Variants in CEP164 observed in about 807,000 individuals in gnomAD.
CEP164 encodes centrosomal protein 164.
In CEP164, 162 loss-of-function variants were observed where a neutral mutation model predicts 182.7. That is an observed-to-expected ratio of 0.89 (90% CI 0.78 to 1.01). The LOEUF (loss-of-function observed/expected upper bound fraction) is 1.01, where lower values mean the gene tolerates loss of function less well. Among genes scored for constraint, CEP164 ranks in the 50% least tolerant of loss-of-function variants. The pLI is 0.00. For missense variants in CEP164, 1,735 were observed against 1,790.4 expected, an observed-to-expected ratio of 0.97 and a Z score of 0.56; for synonymous variants, 661 against 690.0, an observed-to-expected ratio of 0.96 and a Z score of 0.66.
At chr11:117,337,697 T>A (rs568461883) in intron 2 of CEP164, among the ~76,000 whole-genome samples, 1 of 152,146 alleles carries the variant, frequency 6.6e-6, no homozygotes, top group South Asian at 2.1e-4. Flanking sequence ...GGCAGCAGCC[T>A]CCTCAGGTGG....
chr11:117,374,302 A>G (rs1476404005), intron 10 of CEP164, among the ~76,000 whole-genome samples: 1 of 152,114 alleles, frequency 6.6e-6, no homozygotes, highest in African/African-American at 2.4e-5. Flanking sequence ...GAATGCCGGC[A>G]TCCATGGTTT....
At chr11:117,352,621 C>T (rs1463482072) in intron 5 of CEP164, among the ~76,000 whole-genome samples, 1 of 152,206 alleles carries the variant, frequency 6.6e-6, no homozygotes, top group Non-Finnish European at 1.5e-5. Context: ...GAGTCTCACT[C>T]TGTCACCCAG....
rs532428188 is a variant in CEP164, at chr11:117,343,670, G to C, written c.83-496G>C. ...TTTGAGACGAAGTCTTGCTCTCATT[G>C]CCCAGGCTGGAGTGCAGTGGCGTGA... On this transcript the variant is annotated intron_variant, in intron 3 of 32. Coordinates refer to ENST00000278935, the MANE Select transcript of CEP164 (RefSeq NM_014956.5). 5.0e-5 allele frequency among the ~76,000 whole-genome samples: 6 copies of C among 119,242 alleles called. No individual in the cohort carries two copies. The South Asian group carries it at 1.7e-3, about 33-fold the overall frequency. The allele number at this position is 119,242 out of a possible 152,430, so 78.2% of individuals were successfully genotyped here.
intron 10 of CEP164, among the ~76,000 whole-genome samples, chr11:117,375,191 C>T (rs2135998309): frequency 6.6e-6 from 1 of 152,338 alleles, no homozygotes; most frequent in Non-Finnish European, 1.5e-5. Context: ...TGGTTGGGCA[C>T]CACGGAGAGG....
At chr11:117,336,589 G>C (rs777431237) in intron 2 of CEP164, 1 of 1,482,560 alleles carries the variant, frequency 6.7e-7, no homozygotes, top group Non-Finnish European at 9.4e-7. Context: ...AGTGTTGGGG[G>C]ATATGGATTT....
At position 117,334,681 on chromosome 11, in the gene CEP164, CA is replaced by C. The variant is rs891328693; in HGVS notation, c.-97-923del. The stretch of plus-strand genomic sequence containing the variant: ...GTGCCTGTAATCCCAGCTACTCGGG[CA>C]GCTGAGGCAAGAGACTAGCTTGAAC... On this transcript the variant is annotated intron_variant, in intron 1 of 32. Coordinates refer to ENST00000278935, the MANE Select transcript of CEP164 (RefSeq NM_014956.5). Among the ~76,000 whole-genome samples the C allele has an allele frequency of 3.3e-5, 5 of 149,490 alleles. No homozygotes were observed. The Admixed American group carries it at 3.4e-4, about 10-fold the overall frequency.
intron 9 of CEP164, among the ~76,000 whole-genome samples, chr11:117,372,811 G>A (rs948733765): frequency 5.9e-5 from 9 of 152,212 alleles, no homozygotes; most frequent in African/African-American, 1.2e-4. Context: ...GTGACGAGAT[G>A]GGGGTGGTCG....
Position 117,411,628 on chromosome 11 carries a change from T to C in CEP164, c.4164-167T>C. 1 of 901,652 alleles carries C rather than the reference T, an allele frequency of 1.1e-6. No homozygotes were observed. The highest frequency in any genetic ancestry group is 1.7e-5 in the African/African-American group (1 of 59,604). 55.9% of individuals were successfully genotyped at this position (901,652 alleles called of 1,614,324 possible). On this transcript the variant is annotated intron_variant, in intron 31 of 32. Coordinates refer to ENST00000278935, the MANE Select transcript of CEP164 (RefSeq NM_014956.5). The surrounding 1 kb of genome is among the most constrained non-coding windows in gnomAD (Gnocchi z 4.4). ...CCACTTTCCCGTTTGGGAACTGTTC[T>C]GGAGGGGCAGATGTTTTGAAGCTTT... is the stretch of plus-strand genomic sequence containing the variant.
intron 15 of CEP164, among the ~76,000 whole-genome samples, chr11:117,390,351 G>T (rs1347412328): frequency 6.6e-6 from 1 of 151,904 alleles, no homozygotes; most frequent in Non-Finnish European, 1.5e-5. Context: ...TCATCTTTAA[G>T]ATTTAGGAAG....
chr11:117,380,261 C>T (rs570208693), intron 11 of CEP164, among the ~76,000 whole-genome samples: 2 of 152,282 alleles, frequency 1.3e-5, no homozygotes, highest in East Asian at 3.9e-4. Flanking sequence ...GATTTCTCTG[C>T]TTTCTCTGCA....
chr11:117,393,186 T>C (rs1032855249), intron 20 of CEP164, 60 bp downstream of exon 20: 60 of 1,577,998 alleles, frequency 3.8e-5, no homozygotes, highest in Non-Finnish European at 4.9e-5. Context: ...TGCACGCACA[T>C]GCACACACAC....
At chr11:117,365,935 G>T (rs996744093) in intron 8 of CEP164, among the ~76,000 whole-genome samples, 1 of 152,100 alleles carries the variant, frequency 6.6e-6, no homozygotes, top group Non-Finnish European at 1.5e-5. Flanking sequence ...TCTTTGGGGG[G>T]AGTGGGGACT....
intron 32 of CEP164, 70 bp from the exon 33 acceptor site, chr11:117,412,002 C>T: frequency 6.2e-7 from 1 of 1,610,686 alleles, no homozygotes. Context: ...TCCTGTTCAG[C>T]CTTTGACCCT....
chr11:117,391,416 G>A (rs1170298103), intron 17 of CEP164, among the ~76,000 whole-genome samples: 4 of 152,036 alleles, frequency 2.6e-5, no homozygotes, highest in Non-Finnish European at 4.4e-5. Context: ...GGACCGAATC[G>A]GCTCATGACA....
rs192790723 is a variant in CEP164 at position 117,368,114 on chromosome 11, G to A, written c.766-2966G>A. On this transcript the variant is annotated intron_variant, in intron 8 of 32. Coordinates refer to ENST00000278935, the MANE Select transcript of CEP164 (RefSeq NM_014956.5). ...AGAAACTAAGTACTGAGGACAATAG[G>A]GAGCTAATTTGGTGACAGAAACAGA... 2.3e-3 allele frequency among the ~76,000 whole-genome samples: 345 copies of A among 152,214 alleles called. 2 individuals carry two copies. Among genetic ancestry groups the A allele is most frequent in the Non-Finnish European group, 2.8e-3 (193 of 68,020 alleles).
intron 5 of CEP164, chr11:117,355,665 C>T: frequency 8.4e-7 from 1 of 1,190,672 alleles, no homozygotes; most frequent in Non-Finnish European, 1.1e-6. Context: ...CAGGGAGTTC[C>T]TGGGGAAGGT....
chr11:117,393,092 T>C lies in CEP164; in HGVS notation c.2582T>C (p.Val861Ala), dbSNP rs2044899818. ...AAGATGAAGGAGGAGCACCAGCAAG[T>C]GATGGCTAAGGCCAGAGAGCAGTAT... ...LDKMKEEHQQ[V>A]MAKAREQYEA... is the part of the protein sequence containing the mutation. Residue 861 changes from valine to alanine, a missense_variant, in exon 20 of 33, where the codon GTG becomes GCG. Physicochemically the swap from Val to Ala is moderately conservative, Grantham distance 64 (BLOSUM62 0). Coordinates refer to ENST00000278935, the MANE Select transcript of CEP164 (RefSeq NM_014956.5). 6 of 1,613,546 alleles carry C rather than the reference T, an allele frequency of 3.7e-6. No homozygotes were observed. Among genetic ancestry groups the C allele is most frequent in the Non-Finnish European group, 5.1e-6 (6 of 1,179,800 alleles).
At chr11:117,378,758 C>A (rs565551223) in intron 11 of CEP164, among the ~76,000 whole-genome samples, 5 of 152,252 alleles carry the variant, frequency 3.3e-5, no homozygotes, top group African/African-American at 1.2e-4. Context: ...GGTATTTCCC[C>A]GAGGATCCCC....
chr11:117,377,821 A>G (rs1486260729), intron 11 of CEP164, among the ~76,000 whole-genome samples: 1 of 152,180 alleles, frequency 6.6e-6, no homozygotes, highest in Admixed American at 6.5e-5. Flanking sequence ...AAACGATTAT[A>G]ATGAATTAGA....
Sources: gnomAD v4.1 joint callset for allele counts (sites outside exome capture counted in the v4.1 genomes callset) on GRCh38, gnomAD v4.1.1 for gene constraint, Gnocchi (gnomAD v3.1) non-coding constraint, MANE v1.5 for transcripts, NCBI Gene and HGNC (gene_info 2026-07-23, HGNC 2026-07-21) for gene names.